SYNDIG1: variants seen among roughly 807,000 people sequenced by gnomAD.
SYNDIG1 encodes synapse differentiation inducing 1.
SYNDIG1 carries 9 observed loss-of-function variants against 19.4 expected under a neutral mutation model. The ratio of observed to expected loss-of-function variants is 0.46; its 90% CI spans 0.28 to 0.81. SYNDIG1 has a LOEUF of 0.81. Ranked by LOEUF, SYNDIG1 falls within the 30% of genes least tolerant of loss-of-function variation. The pLI is 0.12. For synonymous variants in SYNDIG1, 141 were observed against 145.9 expected, an observed-to-expected ratio of 0.97 and a Z score of 0.24; for missense variants, 311 against 343.3, an observed-to-expected ratio of 0.91 and a Z score of 0.74.
intron 3 of SYNDIG1, among the ~76,000 whole-genome samples, chr20:24,640,354 C>CGA (rs142254268): frequency 0.24 from 32,848 of 134,934 alleles, 4,174 homozygotes; most frequent in Admixed American, 0.4. Context: ...ACATTGAGAG[C>CGA]GAGAGAGAGA....
chr20:24,605,671 C>T lies in SYNDIG1; in HGVS notation c.618+20678C>T, dbSNP rs1347888296. Among the ~76,000 whole-genome samples the T allele has an allele frequency of 2.6e-5, 4 of 152,216 alleles. No individual in the cohort carries two copies. In the South Asian group the frequency reaches 6.2e-4, roughly 24 times the overall value. On this transcript the variant is annotated intron_variant, in intron 3 of 3. Transcript: ENST00000376862. ...GAACAAATACATCATGTCTGCTTTG[C>T]TCCTTGCAGTGGATTGGATAGATTT...
intron 3 of SYNDIG1, among the ~76,000 whole-genome samples, chr20:24,592,839 C>T (rs1309467407): frequency 6.6e-6 from 1 of 152,124 alleles, no homozygotes; most frequent in Non-Finnish European, 1.5e-5. Context: ...TCTCAAACTC[C>T]TGGGCTCAAA....
intron 3 of SYNDIG1, among the ~76,000 whole-genome samples, chr20:24,635,018 C>G (rs1308067206): frequency 6.6e-6 from 1 of 152,070 alleles, no homozygotes; most frequent in Non-Finnish European, 1.5e-5. Context: ...CAGGAGCAGC[C>G]TGGCAGTGTG....
In SYNDIG1 at chr20:24,472,760, C is replaced by G. The variant is rs144591294; in HGVS notation, c.-79+3007C>G. On this transcript the variant is annotated intron_variant, in intron 1 of 3. Coordinates refer to ENST00000376862, the MANE Select transcript of SYNDIG1 (RefSeq NM_024893.3). ...GTGGGAGGGGAGGCCCTCCCTCCAC[C>G]AGCCCCCTCCCATTCTGCACACCTC... 5.5e-4 allele frequency among the ~76,000 whole-genome samples: 84 copies of G among 152,316 alleles called. 1 individual carries two copies. The highest frequency in any genetic ancestry group is 1.8e-3 in the African/African-American group (74 of 41,566).
At chr20:24,479,898 C>T (rs2055748106) in intron 1 of SYNDIG1, among the ~76,000 whole-genome samples, 1 of 152,238 alleles carries the variant, frequency 6.6e-6, no homozygotes, top group African/African-American at 2.4e-5. Context: ...GCCTCATCAC[C>T]ATTTCTCTAG....
At chr20:24,606,044 G>A (rs1397028520) in intron 3 of SYNDIG1, among the ~76,000 whole-genome samples, 1 of 152,256 alleles carries the variant, frequency 6.6e-6, no homozygotes, top group Non-Finnish European at 1.5e-5. Flanking sequence ...AGGTCCTACA[G>A]CACTATGGTT....
chr20:24,617,134 C>T (rs1478865550), intron 3 of SYNDIG1, among the ~76,000 whole-genome samples: 2 of 152,110 alleles, frequency 1.3e-5, no homozygotes, highest in South Asian at 2.1e-4. Flanking sequence ...ATAGGTGGGC[C>T]GAGAAGAGGT....
intron 2 of SYNDIG1, among the ~76,000 whole-genome samples, chr20:24,579,324 C>T (rs769676178): frequency 2.0e-5 from 3 of 152,162 alleles, no homozygotes; most frequent in Non-Finnish European, 4.4e-5. Context: ...AAGTCTTGCT[C>T]TTTTTATGGC....
chr20:24,539,986 T>C (rs565587367), intron 1 of SYNDIG1, among the ~76,000 whole-genome samples: 14 of 152,226 alleles, frequency 9.2e-5, no homozygotes, highest in African/African-American at 3.4e-4. Flanking sequence ...ACCATGATGT[T>C]GGCCAGGCTG....
chr20:24,569,539 G>A (rs972470230), intron 2 of SYNDIG1, among the ~76,000 whole-genome samples: 2 of 152,158 alleles, frequency 1.3e-5, no homozygotes, highest in African/African-American at 4.8e-5. Context: ...CTAGGAAGGG[G>A]TAGGTCAAAA....
chr20:24,500,319 C>A (rs928081945), intron 1 of SYNDIG1, among the ~76,000 whole-genome samples: 3 of 152,022 alleles, frequency 2.0e-5, no homozygotes, highest in African/African-American at 7.2e-5. Flanking sequence ...AATAGAAATA[C>A]CTTCTATGTT....
chr20:24,617,521 G>A (rs1354105314), intron 3 of SYNDIG1, among the ~76,000 whole-genome samples: 1 of 152,150 alleles, frequency 6.6e-6, no homozygotes, highest in Non-Finnish European at 1.5e-5. Flanking sequence ...TGCCCTCCGG[G>A]TGCTCCTGAG....
intron 3 of SYNDIG1, among the ~76,000 whole-genome samples, chr20:24,663,695 G>A (rs1205789731): frequency 6.6e-6 from 1 of 152,210 alleles, no homozygotes; most frequent in Admixed American, 6.5e-5. Context: ...CGGCATGGGT[G>A]TTCCCACAGG....
intron 1 of SYNDIG1, among the ~76,000 whole-genome samples, chr20:24,523,797 C>G (rs576703773): frequency 6.6e-6 from 1 of 152,354 alleles, no homozygotes; most frequent in Admixed American, 6.5e-5. Flanking sequence ...CAGCATCCAT[C>G]TTAACTTCCA....
At chr20:24,626,714 C>T (rs1428496147) in intron 3 of SYNDIG1, among the ~76,000 whole-genome samples, 2 of 152,266 alleles carry the variant, frequency 1.3e-5, no homozygotes, top group Admixed American at 6.5e-5. Context: ...CTTTGGGGGG[C>T]CAAGGCAGGC....
intron 1 of SYNDIG1, among the ~76,000 whole-genome samples, chr20:24,533,832 T>G (rs932707161): frequency 6.6e-6 from 1 of 152,060 alleles, no homozygotes; most frequent in Non-Finnish European, 1.5e-5. Context: ...GGGCACGGAG[T>G]AGGGCACCCA....
intron 3 of SYNDIG1, among the ~76,000 whole-genome samples, chr20:24,609,340 T>C (rs1049489768): frequency 8.5e-5 from 13 of 152,232 alleles, no homozygotes; most frequent in Admixed American, 7.2e-4. Flanking sequence ...GGATGCTCTT[T>C]GCTTTTCTTT....
chr20:24,634,940 C>T (rs1168724998), intron 3 of SYNDIG1, among the ~76,000 whole-genome samples: 2 of 152,200 alleles, frequency 1.3e-5, no homozygotes, highest in Admixed American at 6.5e-5. Flanking sequence ...AGTGACTCAG[C>T]AGAAGACAGA....
chr20:24,597,496 G>T lies in SYNDIG1; in HGVS notation c.618+12503G>T, dbSNP rs539890481. ...GGCTGCATTTACACAGACTCACTGG[G>T]TGAGTCTGTGGTGGATCGGGGCTGG... is the stretch of plus-strand genomic sequence containing the variant. On this transcript the variant is annotated intron_variant, in intron 3 of 3. Coordinates refer to ENST00000376862, the MANE Select transcript of SYNDIG1 (RefSeq NM_024893.3). Among the ~76,000 whole-genome samples, 316 of 152,206 alleles carry T rather than the reference G, an allele frequency of 2.1e-3. 1 individual carries two copies. Among genetic ancestry groups the T allele is most frequent in the Non-Finnish European group, 3.6e-3 (246 of 68,008 alleles).
Sources: allele counts gnomAD v4.1 joint callset (sites outside exome capture counted in the v4.1 genomes callset), GRCh38; gene constraint gnomAD v4.1.1; transcripts MANE v1.5; gene names NCBI Gene and HGNC (gene_info 2026-07-23, HGNC 2026-07-21).